Variants in SLC22A2 observed in about 807,000 individuals in gnomAD.
The protein encoded by SLC22A2 is organic cation transporter 2.
A neutral mutation model predicts 60.5 loss-of-function variants in SLC22A2; 46 were observed. That is an observed-to-expected ratio of 0.76 (90% CI 0.60 to 0.97). The LOEUF (loss-of-function observed/expected upper bound fraction) is 0.97, where lower values mean the gene tolerates loss of function less well. SLC22A2 is among the 50% of genes least tolerant of loss of function. The pLI is 0.00. For synonymous variants in SLC22A2, 303 were observed against 267.0 expected (o/e 1.13, Z -1.31); for missense variants, 701 against 706.6 (o/e 0.99, Z 0.09).
rs1363188527 is a variant in SLC22A2, at chr6:160,250,698, C to G, written c.523G>C (p.Gly175Arg). 1 of 1,613,436 alleles carries G rather than the reference C, an allele frequency of 6.2e-7. No homozygotes were observed. The highest frequency in any genetic ancestry group is 1.7e-5 in the Admixed American group (1 of 59,954). ...GTAGTTAGGAGGCAGAGCTTACGGC[C>G]AAACCTGCAGGAAGAAAAACAAAGA... ...MSIGYIADRF[G>R]RKLCLLTTVL... Residue 175 changes from glycine (G) to arginine (R), a missense_variant, in exon 3 of 11, where the codon GGC (glycine) becomes CGC (arginine). By Grantham distance (125) the Gly-to-Arg change is moderately radical (BLOSUM62 -2). Coordinates refer to ENST00000366953, the MANE Select transcript of SLC22A2 (RefSeq NM_003058.4).
chr6:160,217,314 T>C lies in SLC22A2; in HGVS notation c.*118A>G, dbSNP rs1782556177. 3.2e-6 allele frequency: 2 copies of C among 620,032 alleles called. No individual in the cohort carries two copies. Among genetic ancestry groups the C allele is most frequent in the East Asian group, 2.7e-5 (1 of 36,468 alleles). 38.4% of individuals were successfully genotyped at this position (620,032 alleles called of 1,614,324 possible). A position where few individuals can be genotyped will look rare whatever the true frequency, so the allele number is the denominator to read the frequency against. On this transcript the variant is annotated 3_prime_UTR_variant, in exon 11 of 11. Coordinates refer to ENST00000366953, the MANE Select transcript of SLC22A2 (RefSeq NM_003058.4). ...TCCACTGGCTGTAGACCTAGGTTGA[T>C]AGGGCTCAGGGGTAAGTTTGGTTGA...
chr6:160,219,236 GCAA>G (rs1177712996), intron 10 of SLC22A2, among the ~76,000 whole-genome samples: 3 of 107,410 alleles, frequency 2.8e-5, no homozygotes, highest in South Asian at 6.7e-4. Context: ...AACAGCAGCA[GCAA>G]CAACAGTAAC....
chr6:160,224,564 T>A, intron 10 of SLC22A2, 141 bp downstream of exon 10: 1 of 452,134 alleles, frequency 2.2e-6, no homozygotes, highest in Non-Finnish European at 3.9e-6. Context: ...ATTTTTTTGA[T>A]GCTTTCAAGT....
chr6:160,230,872 C>T (rs1026259532), intron 9 of SLC22A2, among the ~76,000 whole-genome samples: 1 of 151,964 alleles, frequency 6.6e-6, no homozygotes, highest in African/African-American at 2.4e-5. Context: ...GACTGTCCAA[C>T]TTGCCCCGCA....
intron 2 of SLC22A2, among the ~76,000 whole-genome samples, chr6:160,255,035 A>G (rs1385451374): frequency 6.6e-6 from 1 of 152,224 alleles, no homozygotes; most frequent in Non-Finnish European, 1.5e-5. Flanking sequence ...GAATGCCTGC[A>G]GGGCCAGAGC....
chr6:160,234,848 G>A (rs989149108), intron 9 of SLC22A2, among the ~76,000 whole-genome samples: 1 of 152,158 alleles, frequency 6.6e-6, no homozygotes, highest in Non-Finnish European at 1.5e-5. Flanking sequence ...GGTGGCCCAG[G>A]GTTCAATCCT....
In SLC22A2 at chr6:160,224,731, G is replaced by A; in HGVS notation, c.1575C>T (p.Thr525=). Residue 525 remains threonine (T), a synonymous_variant, in exon 10 of 11, where the codon ACC becomes ACT. Coordinates refer to ENST00000366953, the MANE Select transcript of SLC22A2 (RefSeq NM_003058.4). ...PETKGKALPE[T]IEEAENMQRP... The stretch of plus-strand genomic sequence containing the variant: ...TTTGCATATTTTCGGCTTCCTCGAT[G>A]GTCTCAGGCAAAGCTTTCCCTTTAG... The A allele has an allele frequency of 3.1e-6, 5 of 1,605,292 alleles. No homozygotes were observed. Among genetic ancestry groups the A allele is most frequent in the Non-Finnish European group, 3.4e-6 (4 of 1,175,172 alleles).
chr6:160,217,620 C>T (rs1308872760), intron 10 of SLC22A2, 122 bp from the exon 11 acceptor site: 3 of 631,790 alleles, frequency 4.7e-6, no homozygotes, highest in South Asian at 2.0e-5. Flanking sequence ...CAGGATTAGT[C>T]TTGCAATGTG....
intron 9 of SLC22A2, among the ~76,000 whole-genome samples, chr6:160,240,192 G>C (rs1207129114): frequency 1.3e-5 from 2 of 152,188 alleles, no homozygotes; most frequent in African/African-American, 2.4e-5. Flanking sequence ...AAAGTAGGGA[G>C]GCAGGTAGGG....
intron 9 of SLC22A2, among the ~76,000 whole-genome samples, chr6:160,228,945 G>A (rs943109458): frequency 4.6e-5 from 7 of 150,762 alleles, no homozygotes; most frequent in Admixed American, 6.6e-5. Context: ...ATCTCCCTTC[G>A]ATGACTGTCT....
intron 8 of SLC22A2, 116 bp from the exon 9 acceptor site, chr6:160,241,702 T>A: frequency 1.5e-6 from 1 of 655,828 alleles, no homozygotes; most frequent in Non-Finnish European, 2.6e-6. Flanking sequence ...AGCTATAGTG[T>A]ACACTGCTCA....
Position 160,232,342 on chromosome 6 carries a change from A to T in SLC22A2, c.1502-7538T>A, listed in dbSNP as rs148720350. Among the ~76,000 whole-genome samples, 665 of 152,026 alleles carry T rather than the reference A, an allele frequency of 4.4e-3. 2 individuals carry two copies. Among genetic ancestry groups the T allele is most frequent in the Non-Finnish European group, 5.6e-3 (381 of 68,030 alleles). ...AGGCTTAATCGCCACACACCAGCAA[A>T]GGCAGGCTATGCTATAGTATCTTCC... On this transcript the variant is annotated intron_variant, in intron 9 of 10. Coordinates refer to ENST00000366953, the MANE Select transcript of SLC22A2 (RefSeq NM_003058.4).
chr6:160,229,992 A>G (rs1258137310), intron 9 of SLC22A2, among the ~76,000 whole-genome samples: 1 of 151,678 alleles, frequency 6.6e-6, no homozygotes, highest in Non-Finnish European at 1.5e-5. Flanking sequence ...GTCCCTCCCT[A>G]GTCTCTGTTC....
chr6:160,246,220 C>T (rs922123349), intron 5 of SLC22A2, among the ~76,000 whole-genome samples: 1 of 151,882 alleles, frequency 6.6e-6, no homozygotes, highest in African/African-American at 2.4e-5. Context: ...AGGCTGGTCT[C>T]GAGCTCCCAA....
Position 160,242,323 on chromosome 6 carries a change from G to A in SLC22A2, c.1359C>T (p.Val453=). The change falls in exon 8 of 11, where the codon GTC becomes GTT. Residue 453 remains valine, a synonymous_variant. Transcript: ENST00000366953. The part of the protein sequence containing the change: ...ITMAYEIVCL[V]NAELYPTFIR... ...TGAATGTGGGGTACAGCTCAGCATT[G>A]ACCAGGCAGACTATCTCATAGGCCA... 6.2e-7 allele frequency: 1 copy of A among 1,603,526 alleles called. No individual in the cohort carries two copies. Among genetic ancestry groups the A allele is most frequent in the Non-Finnish European group, 8.5e-7 (1 of 1,170,304 alleles).
chr6:160,258,099 T>C (rs1309553261), intron 1 of SLC22A2: 1 of 513,680 alleles, frequency 1.9e-6, no homozygotes, highest in Admixed American at 3.6e-5. Context: ...TGTTCCTTAT[T>C]GCTGGGACAT....
At chr6:160,230,032 T>C (rs1218247529) in intron 9 of SLC22A2, among the ~76,000 whole-genome samples, 1 of 151,814 alleles carries the variant, frequency 6.6e-6, no homozygotes, top group East Asian at 1.9e-4. Flanking sequence ...ATCTTGCTTC[T>C]TTCCCTCCTG....
rs200358135 is a variant in SLC22A2, at chr6:160,224,795, C to A, written c.1511G>T (p.Gly504Val). ...ELPLMVFGVL[G>V]LVAGGLVLLL... is the part of the protein sequence containing the mutation. ...CAGCACCAGACCTCCAGCAACCAAG[C>A]CAAGCACGCCTGAAAGCCAAACAGA... The change falls in exon 10 of 11, where the codon GGC becomes GTC. Residue 504 changes from glycine (G) to valine (V), a missense_variant. By Grantham distance (109) the Gly-to-Val change is moderately radical. Transcript: ENST00000366953. 17 of 1,591,140 alleles carry A rather than the reference C, an allele frequency of 1.1e-5. No individual in the cohort carries two copies. The East Asian group carries it at 3.6e-4, about 34-fold the overall frequency.
At chr6:160,236,875 G>A (rs907455906) in intron 9 of SLC22A2, among the ~76,000 whole-genome samples, 30 of 152,144 alleles carry the variant, frequency 2.0e-4, no homozygotes, top group Middle Eastern at 3.4e-3. Context: ...GAAAAAAAAA[G>A]TCTTATCTGA....
Sources: allele counts gnomAD v4.1 joint callset (sites outside exome capture counted in the v4.1 genomes callset), GRCh38; gene constraint gnomAD v4.1.1; transcripts MANE v1.5; gene names NCBI Gene and HGNC (gene_info 2026-07-23, HGNC 2026-07-21).